The following DNAH5 variants were observed in gnomAD, a reference collection of about 807,000 sequenced individuals.
DNAH5 encodes dynein axonemal heavy chain 5, also known as axonemal beta dynein heavy chain 5.
A neutral mutation model predicts 518.2 loss-of-function variants in DNAH5; 372 were observed. That is an observed-to-expected ratio of 0.72 (90% confidence interval 0.66 to 0.78). The LOEUF (loss-of-function observed/expected upper bound fraction) is 0.78, where lower values mean the gene tolerates loss of function less well. Ranked by LOEUF, DNAH5 falls within the 30% of genes least tolerant of loss-of-function variation. DNAH5 has a pLI of 0.00. For missense variants in DNAH5, 5,523 were observed against 5,687.0 expected (o/e 0.97, Z 0.93); for synonymous variants, 2,039 against 2,025.9 (o/e 1.01, Z -0.17).
At chr5:13,979,426 T>TG (rs1225895382) in intron 1 of DNAH5, among the ~76,000 whole-genome samples, 1 of 151,900 alleles carries the variant, frequency 6.6e-6, no homozygotes, top group African/African-American at 2.4e-5. Context: ...CCCCAGCACA[T>TG]GGATTTTTTA....
chr5:13,929,914 G>A (rs1382618225), intron 2 of DNAH5, among the ~76,000 whole-genome samples: 1 of 152,126 alleles, frequency 6.6e-6, no homozygotes, highest in Non-Finnish European at 1.5e-5. Flanking sequence ...TCCCCAAGTG[G>A]CCCTCTCTGC....
chr5:13,849,117 T>C (rs997898503), intron 31 of DNAH5, among the ~76,000 whole-genome samples: 16 of 152,262 alleles, frequency 1.1e-4, no homozygotes, highest in African/African-American at 3.6e-4. Flanking sequence ...GTTAGTTACA[T>C]ACGTTTAGAC....
intron 57 of DNAH5, 132 bp downstream of exon 57, chr5:13,769,369 T>C: frequency 3.2e-6 from 3 of 944,726 alleles, no homozygotes; most frequent in Non-Finnish European, 3.4e-6. Flanking sequence ...ATACATAAAA[T>C]TAAGAGTATT....
chr5:13,878,623 T>C (rs1561491138), intron 21 of DNAH5, among the ~76,000 whole-genome samples: 1 of 152,150 alleles, frequency 6.6e-6, no homozygotes, highest in Non-Finnish European at 1.5e-5. Context: ...CCAAGTGCCA[T>C]AACTTCTATA....
intron 47 of DNAH5, among the ~76,000 whole-genome samples, chr5:13,800,301 C>A (rs1008847530): frequency 2.0e-5 from 3 of 152,038 alleles, no homozygotes; most frequent in African/African-American, 7.2e-5. Context: ...TGGGGCTGTT[C>A]GAAAAAACTG....
chr5:13,754,307 T>A lies in DNAH5; in HGVS notation c.10451A>T (p.His3484Leu), dbSNP rs150532311. 3.3e-5 allele frequency: 54 copies of A among 1,614,030 alleles called. No homozygotes were observed. The highest frequency in any genetic ancestry group is 4.5e-5 in the Non-Finnish European group (53 of 1,179,990). ...TLLEDAERCRHKMQTASTLIS... is the reference protein window; with the variant it reads ...TLLEDAERCRLKMQTASTLIS... The stretch of plus-strand genomic sequence containing the variant: ...GAGCGTGGAAGCTGTCTGCATCTTG[T>A]GTCTGCATCGCTCTGCATCTTCAAG... Residue 3484 changes from histidine to leucine, a missense_variant, in exon 62 of 79, where the codon CAC (histidine) becomes CTC (leucine). By Grantham distance (99) the His-to-Leu change is moderately conservative (BLOSUM62 -3). Coordinates refer to ENST00000265104, the MANE Select transcript of DNAH5 (RefSeq NM_001369.3).
intron 32 of DNAH5, among the ~76,000 whole-genome samples, chr5:13,843,531 A>T (rs1302616942): frequency 6.6e-6 from 1 of 152,172 alleles, no homozygotes; most frequent in Non-Finnish European, 1.5e-5. Flanking sequence ...ATCTTTGCAG[A>T]TGTGATCAAT....
At chr5:13,835,724 T>C (rs1184871144) in intron 35 of DNAH5, among the ~76,000 whole-genome samples, 1 of 152,138 alleles carries the variant, frequency 6.6e-6, no homozygotes, top group South Asian at 2.1e-4. Flanking sequence ...TTTTCCCCTG[T>C]TTACGTGGTT....
intron 35 of DNAH5, among the ~76,000 whole-genome samples, chr5:13,834,861 T>G (rs79932028): frequency 0.013 from 2,014 of 152,302 alleles, 48 homozygotes; most frequent in African/African-American, 0.043. Flanking sequence ...TGGCTTTTAC[T>G]TTGCATGAGA....
chr5:13,916,589 T>A, intron 8 of DNAH5, 134 bp from the exon 9 acceptor site: 1 of 460,738 alleles, frequency 2.2e-6, no homozygotes, highest in Non-Finnish European at 3.9e-6. Flanking sequence ...ATTTAATGCT[T>A]TACATGAAAA....
intron 5 of DNAH5, among the ~76,000 whole-genome samples, 167 bp downstream of exon 5, chr5:13,921,940 A>G (rs1310923721): frequency 3.9e-5 from 6 of 152,152 alleles, no homozygotes; most frequent in African/African-American, 1.4e-4. Context: ...AGAAATTTAA[A>G]TCTAATCACC....
rs533431342 is a variant in DNAH5, at chr5:13,902,197, CAAGAT to C, written c.1645-64_1645-60del. ...GAATTGGGAATTTACTGTTTAGCAA[CAAGAT>C]AAAAGAGCTTTCCATTCTGTGCAAA... On this transcript the variant is annotated intron_variant, in intron 12 of 78. Transcript: ENST00000265104. The C allele has an allele frequency of 1.2e-3, 1,517 of 1,295,770 alleles. 2 individuals are homozygous for C. The highest frequency in any genetic ancestry group is 1.5e-3 in the Non-Finnish European group (1,375 of 906,384). 80.3% of individuals were successfully genotyped at this position (1,295,770 alleles called of 1,614,324 possible). A position where few individuals can be genotyped will look rare whatever the true frequency, so the allele number is the denominator to read the frequency against.
chr5:13,991,384 G>C (rs1317843723), intron 1 of DNAH5, among the ~76,000 whole-genome samples: 2 of 152,036 alleles, frequency 1.3e-5, no homozygotes, highest in Non-Finnish European at 2.9e-5. Flanking sequence ...AGAAGATATG[G>C]GCTGAATCGT....
At chr5:13,841,601 TTA>T (rs1379022311) in intron 33 of DNAH5, 89 bp downstream of exon 33, 1 of 1,010,630 alleles carries the variant, frequency 9.9e-7, no homozygotes, top group African/African-American at 1.6e-5. Flanking sequence ...TAGAGTTAAA[TTA>T]TAGCCATTTT....
chr5:13,982,556 ATGAG>A (rs60153700), intron 1 of DNAH5, among the ~76,000 whole-genome samples: 5,408 of 81,512 alleles, frequency 0.066, 689 homozygotes, highest in South Asian at 0.18. Flanking sequence ...GCATTATTGC[ATGAG>A]TGAGTAGACA....
At chr5:13,966,312 G>A (rs775018404) in intron 1 of DNAH5, among the ~76,000 whole-genome samples, 44 of 152,098 alleles carry the variant, frequency 2.9e-4, no homozygotes, top group Non-Finnish European at 4.0e-4. Flanking sequence ...GAATTGTACC[G>A]TTATAAACAT....
chr5:13,996,418 G>A (rs1279471174), intron 1 of DNAH5, among the ~76,000 whole-genome samples: 1 of 152,078 alleles, frequency 6.6e-6, no homozygotes, highest in Non-Finnish European at 1.5e-5. Context: ...TAAAGTCTAA[G>A]TCCCAAGTCT....
At chr5:13,832,184 C>G (rs2151841101) in intron 35 of DNAH5, among the ~76,000 whole-genome samples, 1 of 152,154 alleles carries the variant, frequency 6.6e-6, no homozygotes, top group Non-Finnish European at 1.5e-5. Flanking sequence ...ATACCAAACA[C>G]AAAAAAGGGA....
At chr5:13,915,731 G>T (rs757037399) in intron 9 of DNAH5, among the ~76,000 whole-genome samples, 2 of 152,046 alleles carry the variant, frequency 1.3e-5, no homozygotes, top group Non-Finnish European at 2.9e-5. Flanking sequence ...TAACACTTAA[G>T]ATTTTTGCTT....
Sources: gnomAD v4.1 joint callset for allele counts (sites outside exome capture counted in the v4.1 genomes callset) on GRCh38, gnomAD v4.1.1 for gene constraint, MANE v1.5 for transcripts, NCBI Gene and HGNC (gene_info 2026-07-23, HGNC 2026-07-21) for gene names.